The following SERPINB10 variants were observed in gnomAD, a reference collection of about 807,000 sequenced individuals.
The protein encoded by SERPINB10 is serpin B10.
In SERPINB10, 35 loss-of-function variants were observed where a neutral mutation model predicts 39.1. That is an observed-to-expected ratio of 0.90 (90% CI 0.68 to 1.19). The LOEUF is 1.19. Ranked by LOEUF, SERPINB10 falls within the 50% of genes most tolerant of loss-of-function variation. The pLI is 0.00. For missense variants in SERPINB10, 546 were observed against 460.5 expected, an observed-to-expected ratio of 1.19 and a Z score of -1.70; for synonymous variants, 190 against 158.1, an observed-to-expected ratio of 1.20 and a Z score of -1.52.
intron 4 of SERPINB10, among the ~76,000 whole-genome samples, 178 bp downstream of exon 4, chr18:63,918,280 A>C (rs1599079951): frequency 6.6e-6 from 1 of 152,048 alleles, no homozygotes; most frequent in Non-Finnish European, 1.5e-5. Context: ...AACCAATAAC[A>C]GGTCTCAAAT....
chr18:63,928,928 AAGG>A (rs1334104305), intron 5 of SERPINB10, among the ~76,000 whole-genome samples: 1 of 150,804 alleles, frequency 6.6e-6, no homozygotes, highest in Non-Finnish European at 1.5e-5. Context: ...TTATCAGCTT[AAGG>A]AGATTTCAAT....
chr18:63,933,149 C>T lies in SERPINB10; in HGVS notation c.735C>T (p.Ser245=), dbSNP rs1460781285. The change falls in exon 7 of 8, where the codon AGC becomes AGT. Residue 245 remains serine (S), a synonymous_variant. Transcript: ENST00000238508. ...TGGGCCTTCAACTCTACTACAAAAGCCGTGACCTCAGCCTGCTTATACTAC... is the reference window on the plus strand; with the variant it reads ...TGGGCCTTCAACTCTACTACAAAAGTCGTGACCTCAGCCTGCTTATACTAC... The part of the protein sequence containing the change: ...KAVGLQLYYK[S]RDLSLLILLP... 8 of 1,613,854 alleles carry T rather than the reference C, an allele frequency of 5.0e-6. No homozygotes were observed. The highest frequency in any genetic ancestry group is 6.8e-6 in the Non-Finnish European group (8 of 1,179,926).
In SERPINB10 at chr18:63,915,551, A is replaced by AGTTGAG; in HGVS notation, c.42_47dup (p.Leu15_Ser16insArgLeu). 1 of 1,612,716 alleles carries AGTTGAG rather than the reference A, an allele frequency of 6.2e-7. No individual in the cohort carries two copies. The highest frequency in any genetic ancestry group is 8.5e-7 in the Non-Finnish European group (1 of 1,179,170). On this transcript the variant is annotated inframe_insertion, in exon 2 of 8. Transcript: ENST00000238508. ...ACATCAATCAACCAGTTTGCCCTGGAGTTGAGCAAAAAGCTAGCTGAATCT... is the reference window on the plus strand; with the variant it reads ...ACATCAATCAACCAGTTTGCCCTGGAGTTGAGGTTGAGCAAAAAGCTAGCTGAATCT...
intron 1 of SERPINB10, among the ~76,000 whole-genome samples, chr18:63,914,918 T>A (rs1325329915): frequency 3.9e-5 from 6 of 152,034 alleles, no homozygotes; most frequent in Admixed American, 6.6e-5. Flanking sequence ...CTCAAATGAG[T>A]GAGAATAAAG....
intron 5 of SERPINB10, among the ~76,000 whole-genome samples, chr18:63,923,990 T>C (rs1444166450): frequency 6.6e-6 from 1 of 152,058 alleles, no homozygotes; most frequent in Non-Finnish European, 1.5e-5. Flanking sequence ...TATTTCTTTT[T>C]CATTAGTGAG....
chr18:63,925,980 T>C (rs1014755960), intron 5 of SERPINB10, among the ~76,000 whole-genome samples: 2 of 152,084 alleles, frequency 1.3e-5, no homozygotes, highest in Admixed American at 6.5e-5. Context: ...ACATGATTCA[T>C]TGAGAAGAAC....
intron 1 of SERPINB10, among the ~76,000 whole-genome samples, chr18:63,913,932 G>A (rs1430494154): frequency 6.7e-6 from 1 of 148,922 alleles, no homozygotes; most frequent in African/African-American, 2.5e-5. Context: ...ATGAATCTGA[G>A]TGCTCCAATG....
At chr18:63,925,611 G>T (rs940221152) in intron 5 of SERPINB10, among the ~76,000 whole-genome samples, 6 of 151,848 alleles carry the variant, frequency 4.0e-5, no homozygotes, top group African/African-American at 1.5e-4. Context: ...ATAGAATAAA[G>T]CAAATACCCA....
At position 63,935,024 on chromosome 18, in the gene SERPINB10, T is replaced by C. The variant is rs1568252101; in HGVS notation, c.976T>C (p.Ser326Pro). The change falls in exon 8 of 8, where the codon TCT (serine) becomes CCT (proline). Residue 326 changes from serine (S) to proline (P), a missense_variant. Coordinates refer to ENST00000238508, the MANE Select transcript of SERPINB10 (RefSeq NM_005024.3). ...AAGCAAAGCTGATTTCTCAGGAATGTCTTCAGCAAGAAACCTATTTTTGTC... is the reference window on the plus strand; with the variant it reads ...AAGCAAAGCTGATTTCTCAGGAATGCCTTCAGCAAGAAACCTATTTTTGTC... ...SQSKADFSGM[S>P]SARNLFLSNV... is the part of the protein sequence containing the mutation. 1.2e-6 allele frequency: 2 copies of C among 1,614,236 alleles called. No individual in the cohort carries two copies. The highest frequency in any genetic ancestry group is 1.7e-6 in the Non-Finnish European group (2 of 1,180,036).
rs765754005 is a variant in SERPINB10, at chr18:63,930,165, A to G, written c.611A>G (p.Glu204Gly). The G allele has an allele frequency of 1.2e-6, 2 of 1,613,342 alleles. No homozygotes were observed. Among genetic ancestry groups the G allele is most frequent in the South Asian group, 2.2e-5 (2 of 91,042 alleles). Reference sequence around the variant, plus strand: ...CAATTCTTAGTGCAAAACACCACAGAAAAGCCTTTTAGAATAAACGAGGTA... The same window carrying G: ...CAATTCTTAGTGCAAAACACCACAGGAAAGCCTTTTAGAATAAACGAGGTA... The part of the protein sequence containing the change: ...EHQFLVQNTT[E>G]KPFRINETTS... Residue 204 changes from glutamate to glycine, a missense_variant, in exon 6 of 8, where the codon GAA (glutamate) becomes GGA (glycine). By Grantham distance (98) the Glu-to-Gly change is moderately conservative (BLOSUM62 -2). Coordinates refer to ENST00000238508, the MANE Select transcript of SERPINB10 (RefSeq NM_005024.3).
At chr18:63,932,793 A>C (rs1295152262) in intron 6 of SERPINB10, among the ~76,000 whole-genome samples, 1 of 152,214 alleles carries the variant, frequency 6.6e-6, no homozygotes, top group Non-Finnish European at 1.5e-5. Context: ...AGTTTGATTT[A>C]ATACATGTTG....
chr18:63,919,589 C>G (rs191446849), intron 4 of SERPINB10, among the ~76,000 whole-genome samples, 199 bp from the exon 5 acceptor site: 1 of 152,086 alleles, frequency 6.6e-6, no homozygotes, highest in Admixed American at 6.6e-5. Context: ...CTCTGCATAG[C>G]TAGCCAGTGC....
At chr18:63,918,810 C>G (rs192174392) in intron 4 of SERPINB10, among the ~76,000 whole-genome samples, 2 of 151,990 alleles carry the variant, frequency 1.3e-5, no homozygotes, top group African/African-American at 2.4e-5. Context: ...AGACAGTTTC[C>G]TTTCTTGTAG....
At chr18:63,921,137 T>C (rs1286311801) in intron 5 of SERPINB10, among the ~76,000 whole-genome samples, 1 of 151,958 alleles carries the variant, frequency 6.6e-6, no homozygotes, top group Non-Finnish European at 1.5e-5. Flanking sequence ...AAAGGCATCA[T>C]CATTAATGAA....
intron 5 of SERPINB10, among the ~76,000 whole-genome samples, chr18:63,926,271 G>C (rs147924329): frequency 1.3e-5 from 2 of 152,008 alleles, no homozygotes; most frequent in South Asian, 4.1e-4. Context: ...GCTTCCTCTT[G>C]TTATCTGTAT....
chr18:63,911,882 A>C (rs905519014), intron 1 of SERPINB10, among the ~76,000 whole-genome samples: 1 of 152,018 alleles, frequency 6.6e-6, no homozygotes, highest in Non-Finnish European at 1.5e-5. Flanking sequence ...GGCCATTTTA[A>C]CAATACTGAT....
intron 1 of SERPINB10, among the ~76,000 whole-genome samples, chr18:63,913,811 T>C (rs1425845229): frequency 6.6e-6 from 1 of 152,004 alleles, no homozygotes; most frequent in African/African-American, 2.4e-5. Flanking sequence ...TTTTTCTTTG[T>C]TAGTTTTCTC....
At position 63,935,248 on chromosome 18, in the gene SERPINB10, G is replaced by T. The variant is rs1206297928; in HGVS notation, c.*6G>T. On this transcript the variant is annotated 3_prime_UTR_variant, in exon 8 of 8. Coordinates refer to ENST00000238508, the MANE Select transcript of SERPINB10 (RefSeq NM_005024.3). ...GAAGATTATGCTCCCCCTAAATCCTGCATATCTCTCAACAAACAAGACCAT... is the reference window on the plus strand; with the variant it reads ...GAAGATTATGCTCCCCCTAAATCCTTCATATCTCTCAACAAACAAGACCAT... 6.4e-7 allele frequency: 1 copy of T among 1,554,446 alleles called. No individual in the cohort carries two copies. The highest frequency in any genetic ancestry group is 2.3e-5 in the East Asian group (1 of 44,416).
At chr18:63,926,744 C>T (rs190177974) in intron 5 of SERPINB10, among the ~76,000 whole-genome samples, 1 of 151,686 alleles carries the variant, frequency 6.6e-6, no homozygotes, top group Admixed American at 6.6e-5. Context: ...GATTTCTAAC[C>T]CAGAAAAAAA....
Sources: allele counts gnomAD v4.1 joint callset (sites outside exome capture counted in the v4.1 genomes callset), GRCh38; gene constraint gnomAD v4.1.1; transcripts MANE v1.5; gene names NCBI Gene and HGNC (gene_info 2026-07-23, HGNC 2026-07-21).